CFAP58: variants seen among roughly 807,000 people sequenced by gnomAD.
The protein encoded by CFAP58 is cilia and flagella associated protein 58, also known as cilia- and flagella-associated protein 58.
Under a neutral mutation model 119.5 loss-of-function variants are expected in CFAP58, and 88 were observed. That is an observed-to-expected ratio of 0.74 (90% CI 0.62 to 0.88). The LOEUF is 0.88. Ranked by LOEUF, CFAP58 falls within the 40% of genes least tolerant of loss-of-function variation. CFAP58 has a pLI of 0.00. For missense variants in CFAP58, 990 were observed against 1,021.2 expected, an observed-to-expected ratio of 0.97 and a Z score of 0.42; for synonymous variants, 365 against 366.3, an observed-to-expected ratio of 1.00 and a Z score of 0.04.
At chr10:104,418,405 G>A (rs543840797) in intron 15 of CFAP58, among the ~76,000 whole-genome samples, 11 of 152,226 alleles carry the variant, frequency 7.2e-5, no homozygotes, top group South Asian at 2.1e-4. Context: ...AAAATTAGCC[G>A]GGCATGTTGG....
chr10:104,378,393 C>T (rs1431738484), intron 8 of CFAP58, among the ~76,000 whole-genome samples: 1 of 152,166 alleles, frequency 6.6e-6, no homozygotes, highest in African/African-American at 2.4e-5. Flanking sequence ...ACATTGTCAC[C>T]CAACCAACAT....
At chr10:104,422,919 A>G (rs2012684352) in intron 15 of CFAP58, among the ~76,000 whole-genome samples, 1 of 152,136 alleles carries the variant, frequency 6.6e-6, no homozygotes, top group Non-Finnish European at 1.5e-5. Flanking sequence ...CTTTGGGGAG[A>G]TTGAGTGGAG....
At chr10:104,401,605 A>T (rs1208996270) in intron 13 of CFAP58, among the ~76,000 whole-genome samples, 1 of 152,226 alleles carries the variant, frequency 6.6e-6, no homozygotes, top group African/African-American at 2.4e-5. Flanking sequence ...AGACTTGTAG[A>T]TGAACAGTAT....
At chr10:104,364,598 A>C in intron 3 of CFAP58, 135 bp from the exon 4 acceptor site, 1 of 708,946 alleles carries the variant, frequency 1.4e-6, no homozygotes, top group South Asian at 2.0e-5. Context: ...TGGCATAAAG[A>C]TCTTTCTCTT....
At chr10:104,384,577 AGG>A (rs2011883783) in intron 9 of CFAP58, among the ~76,000 whole-genome samples, 1 of 152,250 alleles carries the variant, frequency 6.6e-6, no homozygotes, top group South Asian at 2.1e-4. Context: ...CAAGAACTTT[AGG>A]TTGAACTCTT....
intron 2 of CFAP58, among the ~76,000 whole-genome samples, chr10:104,358,841 G>A (rs2014630825): frequency 6.6e-6 from 1 of 152,124 alleles, no homozygotes; most frequent in African/African-American, 2.4e-5. Flanking sequence ...TTACTTGTTT[G>A]GTTTCTGGGA....
At chr10:104,370,077 T>C (rs1010961250) in intron 6 of CFAP58, among the ~76,000 whole-genome samples, 1 of 152,128 alleles carries the variant, frequency 6.6e-6, no homozygotes, top group African/African-American at 2.4e-5. Context: ...GGACCCCTTC[T>C]CTAGTGTATA....
chr10:104,420,487 C>CT (rs1004184645), intron 15 of CFAP58, among the ~76,000 whole-genome samples: 1 of 152,098 alleles, frequency 6.6e-6, no homozygotes, highest in African/African-American at 2.4e-5. Flanking sequence ...TAGCAAGGGT[C>CT]TTTTTTGTGT....
At chr10:104,450,885 T>C (rs1329730314) in intron 17 of CFAP58, among the ~76,000 whole-genome samples, 1 of 152,020 alleles carries the variant, frequency 6.6e-6, no homozygotes, top group African/African-American at 2.4e-5. Context: ...AACCATCTTC[T>C]ATGTCTAGTG....
chr10:104,346,044 C>G, the CFAP58 span, among the ~76,000 whole-genome samples: 2,488 of 152,064 alleles, frequency 0.016, 33 homozygotes, highest in Non-Finnish European at 0.024. Flanking sequence ...ATGGTTCTAG[C>G]AACTGCTTCT....
chr10:104,447,691 C>G lies in CFAP58; in HGVS notation c.2257-7C>G. The stretch of plus-strand genomic sequence containing the variant: ...TTATCTCTGCTCCTGGTTCTGCTCT[C>G]CACTAGGAAAAGGAGAAACTCTACA... On this transcript the variant is annotated splice_polypyrimidine_tract_variant and splice_region_variant and intron_variant, in intron 15 of 17. Coordinates refer to ENST00000369704, the MANE Select transcript of CFAP58 (RefSeq NM_001008723.2). The G allele has an allele frequency of 6.2e-7, 1 of 1,613,776 alleles. No individual in the cohort carries two copies.
intron 15 of CFAP58, among the ~76,000 whole-genome samples, chr10:104,434,926 T>C (rs1250582281): frequency 6.6e-6 from 1 of 152,228 alleles, no homozygotes; most frequent in Non-Finnish European, 1.5e-5. Flanking sequence ...GTGACCTTGG[T>C]CAGGTTACTT....
the CFAP58 span, among the ~76,000 whole-genome samples, chr10:104,345,844 T>G: frequency 6.6e-6 from 1 of 152,110 alleles, no homozygotes; most frequent in Non-Finnish European, 1.5e-5. Flanking sequence ...ATAGAGACTT[T>G]CAGGGGATAG....
chr10:104,381,780 T>C (rs569417995), intron 9 of CFAP58, among the ~76,000 whole-genome samples: 1 of 152,326 alleles, frequency 6.6e-6, no homozygotes, highest in Admixed American at 6.5e-5. Context: ...GAAGGGCTAC[T>C]GGAGGAGCAC....
At chr10:104,451,756 G>C (rs1179013737) in intron 17 of CFAP58, among the ~76,000 whole-genome samples, 1 of 152,082 alleles carries the variant, frequency 6.6e-6, no homozygotes, top group Non-Finnish European at 1.5e-5. Context: ...CTTTTTTTGA[G>C]ACAGAGTCTT....
intron 15 of CFAP58, among the ~76,000 whole-genome samples, chr10:104,431,035 G>A (rs1238243285): frequency 6.6e-6 from 1 of 152,160 alleles, no homozygotes; most frequent in Non-Finnish European, 1.5e-5. Flanking sequence ...CTGTTTTATG[G>A]TCATGATTAG....
At chr10:104,355,385 G>A (rs74154791) in intron 1 of CFAP58, among the ~76,000 whole-genome samples, 2,653 of 152,218 alleles carry the variant, frequency 0.017, 73 homozygotes, top group African/African-American at 0.059. Context: ...CCCAGGTGCC[G>A]GCCTCAGAAG....
Position 104,454,771 on chromosome 10 carries a change from C to T in CFAP58, c.*241C>T. 2.2e-6 allele frequency: 1 copy of T among 454,066 alleles called. No individual in the cohort carries two copies. The highest frequency in any genetic ancestry group is 3.9e-6 in the Non-Finnish European group (1 of 256,668). The allele number at this position is 454,066 out of a possible 1,614,324, so 28.1% of individuals were successfully genotyped here. A position where few individuals can be genotyped will look rare whatever the true frequency, so the allele number is the denominator to read the frequency against. On this transcript the variant is annotated 3_prime_UTR_variant, in exon 18 of 18. Transcript: ENST00000369704. The stretch of plus-strand genomic sequence containing the variant: ...GGCTGACCTATTGCATGAAGCAAAT[C>T]TTTTGTTGCTACCCCATTGATTGAA...
rs773129629 is a variant in CFAP58 at position 104,358,402 on chromosome 10, A to C, written c.71A>C (p.Gln24Pro). 1 of 1,613,942 alleles carries C rather than the reference A, an allele frequency of 6.2e-7. No individual in the cohort carries two copies. Among genetic ancestry groups the C allele is most frequent in the East Asian group, 2.2e-5 (1 of 44,888 alleles). ...TTTGAAGAAATGGAAAGAGATTTTC[A>C]GGGAGTTCTCCATGAACTTTCTGGA... is the stretch of plus-strand genomic sequence containing the variant. ...SAFEEMERDF[Q>P]GVLHELSGDK... is the part of the protein sequence containing the mutation. Residue 24 changes from glutamine (Q) to proline (P), a missense_variant, in exon 2 of 18, where the codon CAG becomes CCG. Transcript: ENST00000369704.
Sources: allele counts gnomAD v4.1 joint callset (sites outside exome capture counted in the v4.1 genomes callset), GRCh38; gene constraint gnomAD v4.1.1; transcripts MANE v1.5; gene names NCBI Gene and HGNC (gene_info 2026-07-23, HGNC 2026-07-21).